The following CACNG2 variants were observed in gnomAD, a reference collection of about 807,000 sequenced individuals.
The protein encoded by CACNG2 is voltage-dependent calcium channel gamma-2 subunit.
In CACNG2, 3 loss-of-function variants were observed where a neutral mutation model predicts 25.9. That is an observed-to-expected ratio of 0.12 (90% CI 0.05 to 0.30). CACNG2 has a LOEUF of 0.30. Ranked by LOEUF, CACNG2 falls within the 10% of genes least tolerant of loss-of-function variation. The probability of loss-of-function intolerance (pLI) is 1.00; values close to 1 mark genes in which losing one functional copy is unlikely to be tolerated. For missense variants in CACNG2, 341 were observed against 432.5 expected (o/e 0.79, Z 1.88); for synonymous variants, 167 against 173.3 (o/e 0.96, Z 0.29).
Position 36,602,382 on chromosome 22 carries a change from A to AAT in CACNG2, c.212-14836_212-14835dup, listed in dbSNP as rs766342807. 2.4e-3 allele frequency among the ~76,000 whole-genome samples: 365 copies of AAT among 150,602 alleles called. 2 individuals are homozygous for AAT. The highest frequency in any genetic ancestry group is 4.9e-3 in the African/African-American group (203 of 41,172). On this transcript the variant is annotated intron_variant, in intron 1 of 3. Transcript: ENST00000300105. ...TATTTATTATTAAACACATTCTAAA[A>AAT]ATATATATATATATATTTTTTGAGA...
intron 1 of CACNG2, among the ~76,000 whole-genome samples, chr22:36,658,800 G>A (rs1051621276): frequency 6.6e-6 from 1 of 152,180 alleles, no homozygotes; most frequent in Non-Finnish European, 1.5e-5. Flanking sequence ...AATAGGCGGG[G>A]TGTGGGGACA....
At position 36,563,382 on chromosome 22, in the gene CACNG2, A is replaced by G. The variant is rs1249272097; in HGVS notation, c.*969T>C. Among the ~76,000 whole-genome samples the G allele has an allele frequency of 6.6e-6, 1 of 150,654 alleles. No homozygotes were observed. The highest frequency in any genetic ancestry group is 1.5e-5 in the Non-Finnish European group (1 of 67,644). On this transcript the variant is annotated 3_prime_UTR_variant, in exon 4 of 4. Transcript: ENST00000300105. ...CATGTCCCCCGGGGGGGGGGGTGGC[A>G]TCTCCTGACCCCAAGGACAGGAGCT...
intron 2 of CACNG2, chr22:36,584,976 C>T (rs1935476032): frequency 6.6e-6 from 1 of 152,376 alleles, no homozygotes; most frequent in Non-Finnish European, 1.5e-5. Context: ...AGCCACCTGC[C>T]TACTTCTGGC....
Position 36,703,255 on chromosome 22 carries a change from C to T in CACNG2, c.-679G>A. On this transcript the variant is annotated 5_prime_UTR_variant, in exon 1 of 4. Coordinates refer to ENST00000300105, the MANE Select transcript of CACNG2 (RefSeq NM_006078.5). ...GCCCGGGCAGCGGCGGCGGCGGCGG[C>T]GGCGGCGGCAGGGCGGGCAGGCGCG... 1 of 158,160 alleles carries T rather than the reference C, an allele frequency of 6.3e-6. No homozygotes were observed. The allele number at this position is 158,160 out of a possible 1,614,324, so 9.8% of individuals were successfully genotyped here. A position where few individuals can be genotyped will look rare whatever the true frequency, so the allele number is the denominator to read the frequency against.
chr22:36,653,150 C>T (rs563037423), intron 1 of CACNG2, among the ~76,000 whole-genome samples: 3 of 152,196 alleles, frequency 2.0e-5, no homozygotes, highest in Admixed American at 6.5e-5. Context: ...GGAGAAACCT[C>T]GTCTCTACTA....
intron 2 of CACNG2, among the ~76,000 whole-genome samples, chr22:36,578,970 T>G (rs958604597): frequency 3.3e-5 from 5 of 151,650 alleles, no homozygotes; most frequent in African/African-American, 1.2e-4. Context: ...GGCAATAGAG[T>G]GGTCACCTCC....
chr22:36,701,241 T>C (rs1392436276), intron 1 of CACNG2, among the ~76,000 whole-genome samples: 1 of 152,216 alleles, frequency 6.6e-6, no homozygotes, highest in African/African-American at 2.4e-5. Context: ...TATCTCTCTG[T>C]GCACGTCTAT....
chr22:36,663,782 A>C (rs1936834809), intron 1 of CACNG2, among the ~76,000 whole-genome samples: 2 of 152,146 alleles, frequency 1.3e-5, no homozygotes, highest in Non-Finnish European at 2.9e-5. Context: ...CCTGGGCAAG[A>C]ACAAGGCAGC....
intron 1 of CACNG2, among the ~76,000 whole-genome samples, chr22:36,635,983 G>A (rs144102201): frequency 4.2e-4 from 64 of 152,126 alleles, no homozygotes; most frequent in Middle Eastern, 6.8e-3. Flanking sequence ...CTTGCATCTC[G>A]TTCTGTGGTA....
At chr22:36,684,716 C>A (rs1418289796) in intron 1 of CACNG2, among the ~76,000 whole-genome samples, 1 of 151,894 alleles carries the variant, frequency 6.6e-6, no homozygotes, top group Non-Finnish European at 1.5e-5. Flanking sequence ...ACTCAGTATG[C>A]AACTCCTTTA....
At chr22:36,617,050 G>A (rs576873711) in intron 1 of CACNG2, among the ~76,000 whole-genome samples, 1 of 152,198 alleles carries the variant, frequency 6.6e-6, no homozygotes, top group South Asian at 2.1e-4. Context: ...TGTGTAACTG[G>A]GATGTAACCT....
At chr22:36,566,292 C>T (rs1028502789) in intron 3 of CACNG2, 61 bp downstream of exon 3, 11 of 1,552,688 alleles carry the variant, frequency 7.1e-6, no homozygotes, top group South Asian at 4.5e-5. Context: ...GCCCTCGTGG[C>T]CCCTGAGCAC....
At chr22:36,577,927 G>A (rs775833681) in intron 2 of CACNG2, among the ~76,000 whole-genome samples, 4 of 152,166 alleles carry the variant, frequency 2.6e-5, no homozygotes, top group Non-Finnish European at 5.9e-5. Flanking sequence ...GCAGTGGACA[G>A]GTAGCAGGAT....
intron 1 of CACNG2, among the ~76,000 whole-genome samples, chr22:36,657,735 C>T (rs1001167414): frequency 2.6e-5 from 4 of 151,614 alleles, no homozygotes; most frequent in Non-Finnish European, 4.4e-5. Context: ...TGGACAGTGG[C>T]GTAATGAGCA....
At chr22:36,572,602 C>A (rs1209265425) in intron 2 of CACNG2, among the ~76,000 whole-genome samples, 1 of 151,518 alleles carries the variant, frequency 6.6e-6, no homozygotes, top group East Asian at 1.9e-4. Flanking sequence ...CTCGGGAGCC[C>A]GAGGCAGGAG....
At chr22:36,670,106 A>G (rs1936927792) in intron 1 of CACNG2, among the ~76,000 whole-genome samples, 1 of 152,186 alleles carries the variant, frequency 6.6e-6, no homozygotes, top group Admixed American at 6.6e-5. Flanking sequence ...GATTCCCCTT[A>G]CAAACTTCAT....
chr22:36,624,247 A>G lies in CACNG2; in HGVS notation c.212-36699T>C, dbSNP rs148953598. On this transcript the variant is annotated intron_variant, in intron 1 of 3. Transcript: ENST00000300105. The stretch of plus-strand genomic sequence containing the variant: ...ATGGCCCGAGGCAAAGCCGTGAACC[A>G]GGCAGAGGCTTCTCTCACCTTCCCA... Among the ~76,000 whole-genome samples, 5 of 152,346 alleles carry G rather than the reference A, an allele frequency of 3.3e-5. No individual in the cohort carries two copies. The East Asian group carries it at 7.7e-4, about 23-fold the overall frequency.
intron 1 of CACNG2, among the ~76,000 whole-genome samples, chr22:36,647,269 T>G (rs116043964): frequency 0.023 from 3,571 of 152,200 alleles, 131 homozygotes; most frequent in African/African-American, 0.08. Context: ...TCCTCCAATT[T>G]TTATTGGCAT....
intron 1 of CACNG2, 48 bp downstream of exon 1, chr22:36,702,318 A>T: frequency 1.0e-6 from 1 of 992,480 alleles, no homozygotes; most frequent in Non-Finnish European, 1.4e-6. Context: ...GGGGAGTGAA[A>T]GGGGAGGGGT....
Sources: allele counts gnomAD v4.1 joint callset (sites outside exome capture counted in the v4.1 genomes callset), GRCh38; gene constraint gnomAD v4.1.1; transcripts MANE v1.5; gene names NCBI Gene and HGNC (gene_info 2026-07-23, HGNC 2026-07-21).